Variants in UNC13C observed in about 807,000 individuals in gnomAD.
UNC13C encodes protein unc-13 homolog C.
In UNC13C, 174 loss-of-function variants were observed where a neutral mutation model predicts 245.4. The observed-to-expected ratio is 0.71, with a 90% CI of 0.63 to 0.80. The LOEUF (loss-of-function observed/expected upper bound fraction) is 0.80. Among genes scored for constraint, UNC13C ranks in the 30% least tolerant of loss-of-function variants. UNC13C has a pLI of 0.00. For synonymous variants in UNC13C, 992 were observed against 895.1 expected, an observed-to-expected ratio of 1.11 and a Z score of -1.93; for missense variants, 2,829 against 2,602.9, an observed-to-expected ratio of 1.09 and a Z score of -1.89.
At chr15:54,463,844 A>G (rs1055919531) in intron 19 of UNC13C, among the ~76,000 whole-genome samples, 6 of 152,154 alleles carry the variant, frequency 3.9e-5, no homozygotes, top group African/African-American at 1.4e-4. Context: ...AGGGAATGCC[A>G]TTGTTGGTAA....
At chr15:54,517,771 A>T (rs1272912175) in intron 24 of UNC13C, among the ~76,000 whole-genome samples, 1 of 152,148 alleles carries the variant, frequency 6.6e-6, no homozygotes, top group Non-Finnish European at 1.5e-5. Context: ...AAGAACTTAG[A>T]AGTTTTTAGG....
chr15:54,041,380 C>A (rs1470833959), intron 2 of UNC13C, among the ~76,000 whole-genome samples: 1 of 152,070 alleles, frequency 6.6e-6, no homozygotes, highest in Admixed American at 6.6e-5. Flanking sequence ...GTATATAAAT[C>A]TGTTTCATTT....
chr15:54,058,394 C>A lies in UNC13C; in HGVS notation c.2983+42508C>A, dbSNP rs185243632. 2.6e-5 allele frequency among the ~76,000 whole-genome samples: 4 copies of A among 152,332 alleles called. No individual in the cohort carries two copies. In the East Asian group the frequency reaches 5.8e-4, roughly 22 times the overall value. On this transcript the variant is annotated intron_variant, in intron 2 of 32. Transcript: ENST00000260323. ...GGATAAGTTCCTCGACACATACACT[C>A]TCCCAAGACTAAACCAGGAAGAAAT... is the stretch of plus-strand genomic sequence containing the variant.
intron 22 of UNC13C, among the ~76,000 whole-genome samples, chr15:54,502,568 A>G (rs1359492357): frequency 6.6e-6 from 1 of 152,160 alleles, no homozygotes. Flanking sequence ...AAAATTCTCT[A>G]AGTCTTTTCT....
At chr15:54,593,735 C>G (rs1236325051) in intron 30 of UNC13C, among the ~76,000 whole-genome samples, 1 of 152,056 alleles carries the variant, frequency 6.6e-6, no homozygotes, top group Non-Finnish European at 1.5e-5. Context: ...CCCTTCACTT[C>G]TTATATCATT....
intron 2 of UNC13C, among the ~76,000 whole-genome samples, chr15:54,135,089 T>C (rs1284831431): frequency 6.6e-6 from 1 of 152,222 alleles, no homozygotes; most frequent in Non-Finnish European, 1.5e-5. Flanking sequence ...CCTTTTTAAA[T>C]GTGTATTAGC....
downstream of UNC13C, chr15:54,631,207 C>G (rs540504167): frequency 2.6e-5 from 4 of 152,100 alleles, no homozygotes; most frequent in Admixed American, 1.3e-4. Flanking sequence ...ATGAGTCAGG[C>G]CTGGTGGCAT....
chr15:53,997,346 T>C (rs1189358473), intron 1 of UNC13C, among the ~76,000 whole-genome samples: 1 of 152,174 alleles, frequency 6.6e-6, no homozygotes, highest in African/African-American at 2.4e-5. Flanking sequence ...GCAAAGTCAA[T>C]CTGTGACTTG....
At chr15:54,420,707 C>A (rs2140959210) in intron 19 of UNC13C, among the ~76,000 whole-genome samples, 1 of 152,034 alleles carries the variant, frequency 6.6e-6, no homozygotes, top group South Asian at 2.1e-4. Context: ...CCTTCGGCTT[C>A]ATTTCTCTCA....
At chr15:54,430,740 A>G (rs1411484694) in intron 19 of UNC13C, among the ~76,000 whole-genome samples, 5 of 151,774 alleles carry the variant, frequency 3.3e-5, no homozygotes, top group African/African-American at 9.7e-5. Flanking sequence ...TTTTCACTGC[A>G]CTAAATACTA....
intron 19 of UNC13C, among the ~76,000 whole-genome samples, chr15:54,455,238 T>TATATA (rs1416569966): frequency 1.4e-5 from 1 of 70,146 alleles, no homozygotes; most frequent in African/African-American, 5.0e-5. Flanking sequence ...TATATATATA[T>TATATA]GTTTTTTAAT....
chr15:54,255,483 G>A (rs1018133684), intron 8 of UNC13C, among the ~76,000 whole-genome samples: 1 of 152,074 alleles, frequency 6.6e-6, no homozygotes. Context: ...TCTTCCACTC[G>A]GCATGCTCCC....
chr15:54,032,835 G>C (rs12915486), intron 2 of UNC13C, among the ~76,000 whole-genome samples: 147,391 of 152,318 alleles, frequency 0.97, 71,503 homozygotes, highest in Middle Eastern at 1. Context: ...GGATTTGCAG[G>C]AATCCGGATG....
chr15:54,409,528 CCCACCCT>C lies in UNC13C; in HGVS notation c.4848-5445_4848-5439del, dbSNP rs144074354. 1.0e-3 allele frequency among the ~76,000 whole-genome samples: 157 copies of C among 152,196 alleles called. 1 individual carries two copies. In the East Asian group the frequency reaches 0.024, roughly 23 times the overall value. ...GTAGTTTTTAGATCCGTACTCTCCT[CCCACCCT>C]CCACCCTCAAGGAGGTCCCAATGTC... On this transcript the variant is annotated intron_variant, in intron 18 of 32. Transcript: ENST00000260323.
At chr15:54,483,511 T>A (rs55939838) in intron 19 of UNC13C, among the ~76,000 whole-genome samples, 1 of 152,176 alleles carries the variant, frequency 6.6e-6, no homozygotes, top group Non-Finnish European at 1.5e-5. Context: ...CTTTTCTTTT[T>A]TTTGAGATGG....
intron 1 of UNC13C, among the ~76,000 whole-genome samples, chr15:54,005,021 C>G (rs2217413): frequency 0.082 from 12,527 of 152,044 alleles, 662 homozygotes; most frequent in East Asian, 0.16. Flanking sequence ...GATGTGACTC[C>G]ATTTCTCCAT....
chr15:54,175,910 A>G (rs181949639), intron 4 of UNC13C, among the ~76,000 whole-genome samples: 9 of 152,310 alleles, frequency 5.9e-5, no homozygotes, highest in Non-Finnish European at 1.2e-4. Context: ...GGTCTATACT[A>G]AATAGAAATT....
At chr15:54,439,578 A>G (rs754045812) in intron 19 of UNC13C, among the ~76,000 whole-genome samples, 17 of 151,996 alleles carry the variant, frequency 1.1e-4, no homozygotes, top group Admixed American at 2.6e-4. Flanking sequence ...TTGTAATAAT[A>G]GCATAGATGC....
intron 8 of UNC13C, among the ~76,000 whole-genome samples, chr15:54,253,103 A>G (rs2036194201): frequency 6.6e-6 from 1 of 152,184 alleles, no homozygotes; most frequent in South Asian, 2.1e-4. Flanking sequence ...CAACACACAC[A>G]TGCTAAAAGA....
Sources: gnomAD v4.1 joint callset for allele counts (sites outside exome capture counted in the v4.1 genomes callset) on GRCh38, gnomAD v4.1.1 for gene constraint, MANE v1.5 for transcripts, NCBI Gene and HGNC (gene_info 2026-07-23, HGNC 2026-07-21) for gene names.